The following SAMD12 variants were observed in gnomAD, a reference collection of about 807,000 sequenced individuals.
SAMD12 encodes sterile alpha motif domain-containing protein 12.
A neutral mutation model predicts 15.0 loss-of-function variants in SAMD12; 9 were observed. That is an observed-to-expected ratio of 0.60 (90% confidence interval 0.36 to 1.05). SAMD12 has a LOEUF of 1.05. Ranked by LOEUF, SAMD12 falls within the 50% of genes least tolerant of loss-of-function variation. SAMD12 has a pLI of 0.01. For missense variants in SAMD12, 230 were observed against 234.2 expected (o/e 0.98, Z 0.12); for synonymous variants, 86 against 90.1 (o/e 0.96, Z 0.25).
At chr8:118,205,723 G>A (rs765913999) in intron 4 of SAMD12, among the ~76,000 whole-genome samples, 1 of 152,120 alleles carries the variant, frequency 6.6e-6, no homozygotes, top group Non-Finnish European at 1.5e-5. Flanking sequence ...AATGTAACTG[G>A]CTCCTGATAC....
intron 1 of SAMD12, among the ~76,000 whole-genome samples, chr8:118,600,212 ATGT>A (rs1827826113): frequency 2.6e-5 from 4 of 152,104 alleles, no homozygotes; most frequent in Admixed American, 2.6e-4. Context: ...GCAAGCAAAA[ATGT>A]TGTTTCCAAA....
chr8:118,454,752 C>G (rs972575705), intron 2 of SAMD12, among the ~76,000 whole-genome samples: 1 of 152,164 alleles, frequency 6.6e-6, no homozygotes. Context: ...TTCCATTCTG[C>G]AAAACTGGGA....
intron 4 of SAMD12, among the ~76,000 whole-genome samples, chr8:118,218,535 C>T (rs1489722005): frequency 6.7e-6 from 1 of 149,720 alleles, no homozygotes; most frequent in Non-Finnish European, 1.5e-5. Flanking sequence ...CCCACCCCTG[C>T]CATCCCCAGC....
At chr8:118,250,791 C>T (rs990130985) in intron 4 of SAMD12, among the ~76,000 whole-genome samples, 21 of 151,952 alleles carry the variant, frequency 1.4e-4, no homozygotes, top group African/African-American at 5.1e-4. Context: ...AGGTGTAAGC[C>T]ACTGCATCTC....
chr8:118,505,456 T>C (rs946728423), intron 2 of SAMD12, among the ~76,000 whole-genome samples: 2 of 152,058 alleles, frequency 1.3e-5, no homozygotes, highest in Non-Finnish European at 2.9e-5. Flanking sequence ...AGTTGTTAGG[T>C]TGGCTTCTAT....
chr8:118,378,057 T>C lies in SAMD12; in HGVS notation c.*1360A>G, dbSNP rs1204424917. 6.6e-6 allele frequency: 1 copy of C among 152,204 alleles called. No homozygotes were observed. The highest frequency in any genetic ancestry group is 1.5e-5 in the Non-Finnish European group (1 of 68,014). The allele number at this position is 152,204 out of a possible 1,614,324, so 9.4% of individuals were successfully genotyped here. On this transcript the variant is annotated 3_prime_UTR_variant, in exon 4 of 4. Coordinates refer to ENST00000314727, the MANE Select transcript of SAMD12 (RefSeq NM_207506.3). ...ACTTGCAGTCCTTTTTTTCTGTACA[T>C]ATAAGAATATATGGTTTTTACAAAA...
chr8:118,334,541 T>A (rs1233447727), intron 4 of SAMD12, among the ~76,000 whole-genome samples: 1 of 152,150 alleles, frequency 6.6e-6, no homozygotes. Flanking sequence ...AGGAAGTTCT[T>A]CTCAAATCAA....
intron 2 of SAMD12, among the ~76,000 whole-genome samples, chr8:118,459,483 A>T (rs1184760935): frequency 6.6e-6 from 1 of 152,200 alleles, no homozygotes; most frequent in Non-Finnish European, 1.5e-5. Flanking sequence ...GTTCTACTTT[A>T]AAAAACTACT....
chr8:118,484,874 C>T (rs1024711783), intron 2 of SAMD12, among the ~76,000 whole-genome samples: 3 of 152,234 alleles, frequency 2.0e-5, no homozygotes, highest in East Asian at 1.9e-4. Flanking sequence ...ATTCATTTAA[C>T]AAATATTTAT....
chr8:118,342,293 CAA>C (rs10677253), intron 4 of SAMD12, among the ~76,000 whole-genome samples: 2 of 143,178 alleles, frequency 1.4e-5, no homozygotes. Context: ...GACTTTGTCT[CAA>C]AAAAAAAAAA....
At chr8:118,484,089 G>A (rs1824208664) in intron 2 of SAMD12, among the ~76,000 whole-genome samples, 1 of 152,186 alleles carries the variant, frequency 6.6e-6, no homozygotes, top group South Asian at 2.1e-4. Flanking sequence ...CAACAGAGTA[G>A]GGTAAGGGGA....
At chr8:118,294,929 T>G (rs1563740899) in intron 4 of SAMD12, among the ~76,000 whole-genome samples, 1 of 152,186 alleles carries the variant, frequency 6.6e-6, no homozygotes, top group Non-Finnish European at 1.5e-5. Flanking sequence ...TCAACAGAAT[T>G]GTCAACAAAG....
chr8:118,461,566 T>G (rs114267758), intron 2 of SAMD12, among the ~76,000 whole-genome samples: 3,581 of 152,270 alleles, frequency 0.024, 133 homozygotes, highest in African/African-American at 0.08. Context: ...TTCCTTTGTA[T>G]TTTACGTATG....
chr8:118,252,763 G>A (rs533148923), intron 4 of SAMD12, among the ~76,000 whole-genome samples: 1 of 152,078 alleles, frequency 6.6e-6, no homozygotes, highest in Non-Finnish European at 1.5e-5. Context: ...AGTGAGTGTA[G>A]AAGGCGCTGG....
At chr8:118,415,448 G>GGGGTGTGTGTGTGT (rs1554658041) in intron 3 of SAMD12, among the ~76,000 whole-genome samples, 2 of 142,858 alleles carry the variant, frequency 1.4e-5, no homozygotes, top group African/African-American at 5.2e-5. Context: ...CTTGTCCTAA[G>GGGGTGTGTGTGTGT]GTGTGTGTGT....
chr8:118,282,998 T>C (rs11562683), intron 4 of SAMD12, among the ~76,000 whole-genome samples: 2,519 of 152,280 alleles, frequency 0.017, 82 homozygotes, highest in African/African-American at 0.057. Flanking sequence ...TAAGAAAAAT[T>C]CCGATGGGCC....
At chr8:118,557,894 A>G (rs1292969175) in intron 2 of SAMD12, among the ~76,000 whole-genome samples, 1 of 152,088 alleles carries the variant, frequency 6.6e-6, no homozygotes, top group East Asian at 1.9e-4. Flanking sequence ...AATGTTTCAT[A>G]TATTATTCTA....
intron 2 of SAMD12, among the ~76,000 whole-genome samples, chr8:118,488,890 ATAAGT>A (rs771057219): frequency 1.3e-5 from 2 of 152,240 alleles, no homozygotes; most frequent in Admixed American, 6.5e-5. Context: ...ATGCTTAGTC[ATAAGT>A]TAAGTGTTTA....
intron 2 of SAMD12, among the ~76,000 whole-genome samples, chr8:118,553,236 C>T (rs555334343): frequency 0.02 from 3,057 of 152,178 alleles, 120 homozygotes; most frequent in African/African-American, 0.068. Context: ...CAATCCTAAG[C>T]CAAAAGAACA....
Sources: allele counts gnomAD v4.1 joint callset (sites outside exome capture counted in the v4.1 genomes callset), GRCh38; gene constraint gnomAD v4.1.1; transcripts MANE v1.5; gene names NCBI Gene and HGNC (gene_info 2026-07-23, HGNC 2026-07-21).